CASK: variants seen among roughly 807,000 people sequenced by gnomAD.
The protein encoded by CASK is calcium/calmodulin dependent serine protein kinase.
In CASK, 4 loss-of-function variants were observed where a neutral mutation model predicts 82.9. The observed-to-expected ratio is 0.05, with a 90% CI of 0.02 to 0.11. CASK has a LOEUF of 0.11. Among genes scored for constraint, CASK ranks in the 10% least tolerant of loss-of-function variants. The pLI, the probability that CASK is intolerant of heterozygous loss-of-function variation, is 1.00. For synonymous variants in CASK, 259 were observed against 253.5 expected (o/e 1.02, Z -0.20); for missense variants, 358 against 720.9 (o/e 0.50, Z 5.76).
At chrX:41,619,331 A>T (rs1210950945) in intron 11 of CASK, among the ~76,000 whole-genome samples, 5 of 107,642 alleles carry the variant, frequency 4.6e-5, no homozygotes, top group Non-Finnish European at 7.7e-5. Context: ...TAGAGATGGG[A>T]TCTCACTATG....
At chrX:41,868,339 G>C (rs2071628495) in intron 1 of CASK, among the ~76,000 whole-genome samples, 1 of 111,855 alleles carries the variant, frequency 8.9e-6, no homozygotes, top group African/African-American at 3.3e-5. Flanking sequence ...GTTTTAACAT[G>C]AATTTTTTTA....
In CASK at chrX:41,518,164, GAGATGTGGGCTCAA is replaced by G. The variant is rs2064586654; in HGVS notation, c.*2242_*2255del. The G allele has an allele frequency of 1.4e-5, 2 of 141,596 alleles. No homozygotes were observed. The highest frequency in any genetic ancestry group is 3.5e-4 in the East Asian group (2 of 5,647). 11.7% of individuals were successfully genotyped at this position (141,596 alleles called of 1,213,427 possible). On this transcript the variant is annotated 3_prime_UTR_variant, in exon 27 of 27. Transcript: ENST00000378163. The stretch of plus-strand genomic sequence containing the variant: ...AAGACAGGCATCATCAGCATCTCTG[GAGATGTGGGCTCAA>G]AGGGCAAGTGGGGGCGTGGGGGTTT...
At chrX:41,793,579 T>C (rs972444437) in intron 2 of CASK, among the ~76,000 whole-genome samples, 1 of 111,935 alleles carries the variant, frequency 8.9e-6, no homozygotes, top group Non-Finnish European at 1.9e-5. Flanking sequence ...TTCCAAACAA[T>C]GTCTAGGTTG....
intron 8 of CASK, among the ~76,000 whole-genome samples, chrX:41,638,637 A>G (rs1232991683): frequency 2.7e-5 from 3 of 111,548 alleles, no homozygotes; most frequent in East Asian, 5.6e-4. Context: ...CTAGGCAGAG[A>G]AAATAACCAA....
At chrX:41,862,275 T>C (rs1248381960) in intron 1 of CASK, among the ~76,000 whole-genome samples, 3 of 110,506 alleles carry the variant, frequency 2.7e-5, no homozygotes, top group African/African-American at 9.9e-5. Context: ...GTGCAGTGGC[T>C]CATGCCTGTA....
intron 3 of CASK, among the ~76,000 whole-genome samples, chrX:41,746,646 C>CTCAT (rs1257373876): frequency 8.0e-5 from 9 of 111,806 alleles, no homozygotes; most frequent in African/African-American, 1.3e-4. Flanking sequence ...AATCCAGTAT[C>CTCAT]TCATTCATTC....
chrX:41,827,248 C>T (rs1414186058), intron 2 of CASK, among the ~76,000 whole-genome samples: 4 of 111,692 alleles, frequency 3.6e-5, no homozygotes, highest in Non-Finnish European at 5.6e-5. Flanking sequence ...TAGTTAAATA[C>T]GGTAAGCCAG....
intron 1 of CASK, among the ~76,000 whole-genome samples, chrX:41,888,798 T>C (rs907643119): frequency 1.9e-5 from 2 of 105,849 alleles, no homozygotes; most frequent in Non-Finnish European, 3.9e-5. Flanking sequence ...TGTATATATA[T>C]GTATATATAC....
chrX:41,849,673 G>A (rs973637635), intron 2 of CASK, among the ~76,000 whole-genome samples: 4 of 111,378 alleles, frequency 3.6e-5, no homozygotes, highest in African/African-American at 6.5e-5. Context: ...TTGAATAGTC[G>A]GCAACCTGCA....
At chrX:41,561,254 T>C (rs777722643) in intron 17 of CASK, among the ~76,000 whole-genome samples, 1 of 111,000 alleles carries the variant, frequency 9.0e-6, no homozygotes, top group Non-Finnish European at 1.9e-5. Flanking sequence ...GAGAAACTAG[T>C]TCACATGTAC....
chrX:41,602,244 A>C (rs911723555), intron 12 of CASK, among the ~76,000 whole-genome samples: 2 of 111,774 alleles, frequency 1.8e-5, no homozygotes, highest in African/African-American at 6.5e-5. Flanking sequence ...CTCCAATCCA[A>C]CAGTATATCT....
At chrX:41,894,239 A>G (rs765444817) in intron 1 of CASK, among the ~76,000 whole-genome samples, 39 of 111,241 alleles carry the variant, frequency 3.5e-4, no homozygotes, top group African/African-American at 1.2e-3. Context: ...GGAGTTGAAA[A>G]GTACTATAAT....
chrX:41,517,960 A>T lies in CASK; in HGVS notation c.*2460T>A, dbSNP rs780332924. On this transcript the variant is annotated 3_prime_UTR_variant, in exon 27 of 27. Transcript: ENST00000378163. ...AAGTCAATGAGTTCTGCATGCAGGG[A>T]TTTCACCATCGGAATGATGGCAAGA... The T allele has an allele frequency of 1.7e-3, 710 of 413,528 alleles. 5 individuals are homozygous for T. Among genetic ancestry groups the T allele is most frequent in the Non-Finnish European group, 2.4e-3 (572 of 234,717 alleles). The allele number at this position is 413,528 out of a possible 1,213,427, so 34.1% of individuals were successfully genotyped here.
chrX:41,675,824 T>C (rs2067257116), intron 5 of CASK: 7 of 1,199,201 alleles, frequency 5.8e-6, no homozygotes, highest in Non-Finnish European at 7.9e-6. Context: ...CAATGTCAAG[T>C]TGTCTCTCAG....
rs1481572991 is a variant in CASK, at chrX:41,810,259, C to T, written c.173-22976G>A. ...GAGACCACCACAAAGATACTCCTCGCGAAGAGCAACTCCAAGATACATAAC... is the reference window on the plus strand; with the variant it reads ...GAGACCACCACAAAGATACTCCTCGTGAAGAGCAACTCCAAGATACATAAC... On this transcript the variant is annotated intron_variant, in intron 2 of 26. Transcript: ENST00000378163. Among the ~76,000 whole-genome samples the T allele has an allele frequency of 3.6e-5, 4 of 111,437 alleles. No homozygotes were observed. The East Asian group carries it at 8.5e-4, about 24-fold the overall frequency.
rs902008130 is a variant in CASK at position 41,519,040 on chromosome X, C to T, written c.*1380G>A. The T allele has an allele frequency of 3.7e-4, 41 of 111,508 alleles. No homozygotes were observed. Among genetic ancestry groups the T allele is most frequent in the African/African-American group, 1.3e-3 (41 of 30,688 alleles). 9.2% of individuals were successfully genotyped at this position (111,508 alleles called of 1,213,427 possible). The stretch of plus-strand genomic sequence containing the variant: ...GGCGCATGGCTCTGTGCGAGTCAGA[C>T]GTGGTCCAGCTGTGCTCTGGCAGGC... On this transcript the variant is annotated 3_prime_UTR_variant, in exon 27 of 27. Transcript: ENST00000378163.
chrX:41,844,519 A>G (rs1295330059), intron 2 of CASK, among the ~76,000 whole-genome samples: 1 of 111,861 alleles, frequency 8.9e-6, no homozygotes, highest in East Asian at 2.8e-4. Flanking sequence ...ATATTCTCTT[A>G]TAATCCTTTT....
chrX:41,878,749 GGAGGGAAAGGTCGGGGGCGT>G (rs1209320421), intron 1 of CASK, among the ~76,000 whole-genome samples: 1 of 110,757 alleles, frequency 9.0e-6, no homozygotes, highest in Non-Finnish European at 1.9e-5. Flanking sequence ...GGGACTGGTG[GGAGGGAAAGGTCGGGGGCGT>G]GAGGGATAAA....
At chrX:41,723,843 A>G (rs1032746918) in intron 5 of CASK, among the ~76,000 whole-genome samples, 1 of 112,316 alleles carries the variant, frequency 8.9e-6, no homozygotes, top group Non-Finnish European at 1.9e-5. Context: ...AAACAATTTT[A>G]CAAACGAGTT....
Sources: allele counts gnomAD v4.1 joint callset (sites outside exome capture counted in the v4.1 genomes callset), GRCh38; gene constraint gnomAD v4.1.1; transcripts MANE v1.5; gene names NCBI Gene and HGNC (gene_info 2026-07-23, HGNC 2026-07-21).